SLC12A5: variants seen among roughly 807,000 people sequenced by gnomAD.
The protein encoded by SLC12A5 is K-Cl cotransporter 2.
A neutral mutation model predicts 124.0 loss-of-function variants in SLC12A5; 18 were observed. The observed-to-expected ratio is 0.15, with a 90% CI of 0.10 to 0.22. The LOEUF (loss-of-function observed/expected upper bound fraction) is 0.22, where lower values mean the gene tolerates loss of function less well. SLC12A5 is among the 10% of genes least tolerant of loss of function. The pLI is 1.00. For missense variants in SLC12A5, 867 were observed against 1,478.7 expected (o/e 0.59, Z 6.78); for synonymous variants, 589 against 568.0 (o/e 1.04, Z -0.53).
chr20:46,039,077 A>G (rs773925927), intron 6 of SLC12A5, among the ~76,000 whole-genome samples: 1 of 152,258 alleles, frequency 6.6e-6, no homozygotes, highest in Non-Finnish European at 1.5e-5. Context: ...ATAACCATTA[A>G]CATTTTGGTG....
chr20:46,031,081 G>A (rs2084445617), intron 1 of SLC12A5, among the ~76,000 whole-genome samples: 1 of 152,212 alleles, frequency 6.6e-6, no homozygotes, highest in Non-Finnish European at 1.5e-5. Flanking sequence ...CAGATGGAGA[G>A]CATCTCTCTG....
chr20:46,056,671 C>T lies in SLC12A5; in HGVS notation c.3110+107C>T, dbSNP rs1443589343. On this transcript the variant is annotated intron_variant, in intron 23 of 25. Transcript: ENST00000243964. The surrounding 1 kb of genome is among the most constrained non-coding windows in gnomAD (Gnocchi z 4.3). The stretch of plus-strand genomic sequence containing the variant: ...GCATCCTGGTCTGTCAGCCTGCAGA[C>T]CCAGCTCAGACATTGTCTTGGTTTC... The T allele has an allele frequency of 7.9e-7, 1 of 1,269,656 alleles. No individual in the cohort carries two copies. Among genetic ancestry groups the T allele is most frequent in the East Asian group, 2.4e-5 (1 of 41,080 alleles). The allele number at this position is 1,269,656 out of a possible 1,614,324, so 78.6% of individuals were successfully genotyped here.
rs1464956969 is a variant in SLC12A5, at chr20:46,057,593, C to T, written c.3339C>T (p.Thr1113=). The stretch of plus-strand genomic sequence containing the variant: ...GCGGCGGCGGCCGCGAGGTCATCAC[C>T]ATCTACTCCTGAGAACCAGGACCTG... ...LVRGGGREVI[T]IYS Residue 1113 remains threonine, a synonymous_variant, in exon 26 of 26, where the codon ACC becomes ACT. Coordinates refer to ENST00000243964, the MANE Select transcript of SLC12A5 (RefSeq NM_020708.5). This position sits in a 1 kb window ranked among gnomAD's most constrained non-coding sequence, Gnocchi z 7.1. 2 of 1,613,596 alleles carry T rather than the reference C, an allele frequency of 1.2e-6. No individual in the cohort carries two copies. The highest frequency in any genetic ancestry group is 2.2e-5 in the South Asian group (2 of 91,080).
intron 20 of SLC12A5, among the ~76,000 whole-genome samples, chr20:46,054,535 T>C (rs895410012): frequency 5.3e-5 from 8 of 152,248 alleles, no homozygotes; most frequent in Non-Finnish European, 1.5e-5. Context: ...CATGTATTCA[T>C]TGAAGTATTC....
chr20:46,051,648 G>T (rs748032569), intron 17 of SLC12A5, 27 bp from the exon 18 acceptor site: 1 of 1,591,948 alleles, frequency 6.3e-7, no homozygotes, highest in Non-Finnish European at 8.5e-7. Flanking sequence ...GCCTGAGGCT[G>T]GTCCTTGTCT....
rs1568855670 is a variant in SLC12A5, at chr20:46,029,380, TGGG to T, written c.39_41del (p.Gly14del). On this transcript the variant is annotated inframe_deletion, in exon 1 of 26. Transcript: ENST00000243964. ...ACCTGACGGACTGCGAGGACGGCGA[TGGG>T]GGAGCCAACCCGGGTAAGCTGTGGT... The T allele has an allele frequency of 6.6e-7, 1 of 1,513,638 alleles. No homozygotes were observed. Among genetic ancestry groups the T allele is most frequent in the Admixed American group, 2.0e-5 (1 of 49,606 alleles). 93.8% of individuals were successfully genotyped at this position (1,513,638 alleles called of 1,614,324 possible). A position where few individuals can be genotyped will look rare whatever the true frequency, so the allele number is the denominator to read the frequency against.
At chr20:46,033,248 A>T (rs2084469122) in intron 1 of SLC12A5, among the ~76,000 whole-genome samples, 1 of 152,104 alleles carries the variant, frequency 6.6e-6, no homozygotes, top group Non-Finnish European at 1.5e-5. Context: ...GGAGAAAGGG[A>T]TGTCAGCCAT....
chr20:46,045,843 A>G lies in SLC12A5; in HGVS notation c.1570-35A>G, dbSNP rs1418273170. 2 of 1,570,120 alleles carry G rather than the reference A, an allele frequency of 1.3e-6. No homozygotes were observed. The highest frequency in any genetic ancestry group is 2.7e-5 in the African/African-American group (2 of 73,922). ...AGGGGAGAGGGCTGAGAAATCCTTG[A>G]GGTCTCAGTCCCATGATGATTGCTC... is the stretch of plus-strand genomic sequence containing the variant. On this transcript the variant is annotated intron_variant, in intron 12 of 25. Transcript: ENST00000243964. The surrounding 1 kb of genome is among the most constrained non-coding windows in gnomAD (Gnocchi z 4.9).
chr20:46,025,034 A>G (rs997687013), upstream of SLC12A5, among the ~76,000 whole-genome samples: 15 of 152,174 alleles, frequency 9.9e-5, no homozygotes, highest in African/African-American at 3.6e-4. Context: ...AATGTAGCCC[A>G]TCTGTGTTCT....
chr20:46,056,368 C>A lies in SLC12A5; in HGVS notation c.2914C>A (p.Gln972Lys). ...DSEEKPEEEV[Q>K]LIHDQSAPSC... Reference sequence around the variant, plus strand: ...CATCGCTTCATTCATCCCTCAGGTGCAGCTGATCCACGATCAGAGTGCTCC... The same window carrying A: ...CATCGCTTCATTCATCCCTCAGGTGAAGCTGATCCACGATCAGAGTGCTCC... Residue 972 changes from glutamine to lysine, a missense_variant, in exon 23 of 26, where the codon CAG becomes AAG. By Grantham distance (53) the Gln-to-Lys change is moderately conservative (BLOSUM62 1). Transcript: ENST00000243964. This position sits in a 1 kb window ranked among gnomAD's most constrained non-coding sequence, Gnocchi z 4.3. 1 of 1,609,520 alleles carries A rather than the reference C, an allele frequency of 6.2e-7. No homozygotes were observed. Among genetic ancestry groups the A allele is most frequent in the Non-Finnish European group, 8.5e-7 (1 of 1,177,470 alleles).
Position 46,046,598 on chromosome 20 carries a change from C to T in SLC12A5, c.1787+162C>T, listed in dbSNP as rs186492797. On this transcript the variant is annotated intron_variant, in intron 14 of 25. Transcript: ENST00000243964. Reference sequence around the variant, plus strand: ...TGACCAACTCACATGAGGAAGGTCCCCGAGAGGGTCTCCTAACAATCATAA... The same window carrying T: ...TGACCAACTCACATGAGGAAGGTCCTCGAGAGGGTCTCCTAACAATCATAA... 2.0e-3 allele frequency among the ~76,000 whole-genome samples: 308 copies of T among 152,290 alleles called. 3 individuals carry two copies. Among genetic ancestry groups the T allele is most frequent in the African/African-American group, 6.9e-3 (285 of 41,552 alleles).
In SLC12A5 at chr20:46,048,069, C is replaced by T; in HGVS notation, c.1996C>T (p.His666Tyr). The change falls in exon 16 of 26, where the codon CAC becomes TAC. Residue 666 changes from histidine to tyrosine, a missense_variant. Physicochemically the swap from His to Tyr is moderately conservative, Grantham distance 83. This residue lies in a region of SLC12A5 where 38 missense variants were observed against 36.2 expected (regional missense o/e 1.05). Transcript: ENST00000243964. Reference protein sequence around the residue: ...ALLRLEEGPPHTKNWRPQLLV... With the variant: ...ALLRLEEGPPYTKNWRPQLLV... ...CTTACGCCTGGAGGAAGGGCCCCCACACACCAAGAACTGGAGGTTAGTGGT... is the reference window on the plus strand; with the variant it reads ...CTTACGCCTGGAGGAAGGGCCCCCATACACCAAGAACTGGAGGTTAGTGGT... 6.2e-7 allele frequency: 1 copy of T among 1,612,262 alleles called. No homozygotes were observed. The highest frequency in any genetic ancestry group is 8.5e-7 in the Non-Finnish European group (1 of 1,179,152).
intron 1 of SLC12A5, among the ~76,000 whole-genome samples, chr20:46,032,380 G>T (rs971265441): frequency 6.6e-6 from 1 of 152,270 alleles, no homozygotes; most frequent in African/African-American, 2.4e-5. Context: ...AAGAGGGGAT[G>T]CTGCGGGGAA....
chr20:46,041,524 C>T lies in SLC12A5; in HGVS notation c.1050C>T (p.Ala350=). 1 of 1,613,924 alleles carries T rather than the reference C, an allele frequency of 6.2e-7. No individual in the cohort carries two copies. The highest frequency in any genetic ancestry group is 8.5e-7 in the Non-Finnish European group (1 of 1,179,972). ...VTEIQGIPGA[A]SGLIKENLWS... ...AGATCCAGGGCATCCCTGGTGCTGC[C>T]AGTGGCCTCATCAAAGGTCTGCGGA... The change falls in exon 8 of 26, where the codon GCC becomes GCT. Residue 350 remains alanine (A), a synonymous_variant. Coordinates refer to ENST00000243964, the MANE Select transcript of SLC12A5 (RefSeq NM_020708.5).
chr20:46,050,498 G>A (rs2084637569), intron 17 of SLC12A5, among the ~76,000 whole-genome samples: 1 of 152,214 alleles, frequency 6.6e-6, no homozygotes, highest in Non-Finnish European at 1.5e-5. Context: ...TCCCATCAGG[G>A]CTGTGGCTAG....
At chr20:46,052,188 C>T (rs904045321) in intron 18 of SLC12A5, among the ~76,000 whole-genome samples, 8 of 152,212 alleles carry the variant, frequency 5.3e-5, no homozygotes, top group South Asian at 2.1e-4. Context: ...AGCTCTGGTC[C>T]TTCCTAGCTG....
chr20:46,022,182 C>CCGG (rs1202306991), intron 1 of SLC12A5: 1 of 305,670 alleles, frequency 3.3e-6, no homozygotes, highest in Non-Finnish European at 6.1e-6. Context: ...GATGGAAAGG[C>CCGG]CGGGGTCAAG....
In SLC12A5 at chr20:46,053,786, C is replaced by CG. The variant is rs946977660; in HGVS notation, c.2679+77_2679+78insG. 3.5e-5 allele frequency: 50 copies of CG among 1,441,914 alleles called. 1 individual carries two copies. In the African/African-American group the frequency reaches 6.1e-4, roughly 18 times the overall value. 89.3% of individuals were successfully genotyped at this position (1,441,914 alleles called of 1,614,324 possible). ...GGCCCCAGCACCAAGTAGGGCAACT[C>CG]TAACACCCATCAGCTTATGATGCTG... is the stretch of plus-strand genomic sequence containing the variant. On this transcript the variant is annotated intron_variant, in intron 20 of 25. Transcript: ENST00000243964. The surrounding 1 kb of genome is among the most constrained non-coding windows in gnomAD (Gnocchi z 4.7).
chr20:46,046,845 G>A (rs970842043), intron 14 of SLC12A5, among the ~76,000 whole-genome samples: 1 of 152,212 alleles, frequency 6.6e-6, no homozygotes, highest in Admixed American at 6.5e-5. Context: ...ACCTGCCTGT[G>A]GGTTCTTGTG....
Sources: gnomAD v4.1 joint callset for allele counts (sites outside exome capture counted in the v4.1 genomes callset) on GRCh38, gnomAD v4.1.1 for gene constraint, gnomAD v4.1.1 regional missense constraint, Gnocchi (gnomAD v3.1) non-coding constraint, MANE v1.5 for transcripts, NCBI Gene and HGNC (gene_info 2026-07-23, HGNC 2026-07-21) for gene names.